RAB11FIP3: variants seen among roughly 807,000 people sequenced by gnomAD.
RAB11FIP3 encodes RAB11 family interacting protein 3, also known as rab11 family-interacting protein 3.
RAB11FIP3 carries 17 observed loss-of-function variants against 77.8 expected under a neutral mutation model. That is an observed-to-expected ratio of 0.22 (90% CI 0.15 to 0.33). The LOEUF is 0.33. Among genes scored for constraint, RAB11FIP3 ranks in the 10% least tolerant of loss-of-function variants. The pLI is 1.00. For missense variants in RAB11FIP3, 1,005 were observed against 1,011.2 expected (o/e 0.99, Z 0.08); for synonymous variants, 437 against 448.2 (o/e 0.98, Z 0.31).
In RAB11FIP3 at chr16:510,642, C is replaced by T. The variant is rs1446000614; in HGVS notation, c.1500-18C>T. 2 of 1,584,790 alleles carry T rather than the reference C, an allele frequency of 1.3e-6. No homozygotes were observed. Among genetic ancestry groups the T allele is most frequent in the Non-Finnish European group, 1.7e-6 (2 of 1,167,618 alleles). On this transcript the variant is annotated intron_variant, in intron 8 of 13. Coordinates refer to ENST00000262305, the MANE Select transcript of RAB11FIP3 (RefSeq NM_014700.4). ...ACCCTGCCTGGAGACAGCTCAGCTC[C>T]TCCCTTTGCCTTTCAAGAGCAAACG...
intron 9 of RAB11FIP3, among the ~76,000 whole-genome samples, chr16:518,721 C>T (rs2032531671): frequency 6.6e-6 from 1 of 151,790 alleles, no homozygotes; most frequent in Admixed American, 6.6e-5. Flanking sequence ...TGCGACTCTG[C>T]CTCAAGAAAA....
chr16:464,440 C>T (rs2055668552), intron 2 of RAB11FIP3, among the ~76,000 whole-genome samples: 1 of 152,200 alleles, frequency 6.6e-6, no homozygotes, highest in African/African-American at 2.4e-5. Context: ...TGGCGTGCTG[C>T]AGGTCCTCCC....
chr16:454,050 A>G (rs1016721469), intron 1 of RAB11FIP3, among the ~76,000 whole-genome samples: 1 of 152,280 alleles, frequency 6.6e-6, no homozygotes, highest in East Asian at 1.9e-4. Flanking sequence ...AAGAAAAGAG[A>G]CATGAGATGT....
chr16:503,319 C>T (rs1209995040), intron 7 of RAB11FIP3, among the ~76,000 whole-genome samples: 2 of 152,206 alleles, frequency 1.3e-5, no homozygotes, highest in Non-Finnish European at 2.9e-5. Flanking sequence ...CTGTTGTGCA[C>T]GAAGGGCCAG....
At chr16:470,676 G>A (rs2055792011) in intron 2 of RAB11FIP3, among the ~76,000 whole-genome samples, 1 of 152,152 alleles carries the variant, frequency 6.6e-6, no homozygotes, top group Admixed American at 6.6e-5. Flanking sequence ...CAGGTGCTGC[G>A]GGATTGGTTG....
chr16:482,678 G>A lies in RAB11FIP3; in HGVS notation c.1057G>A (p.Glu353Lys). ...DSAGGSAVPS[E>K]CLDAMEEPDH... Reference sequence around the variant, plus strand: ...TGCCGGCGGCTCGGCCGTGCCCTCTGAGTGCCTGGACGCCATGGAGGAGCC... The same window carrying A: ...TGCCGGCGGCTCGGCCGTGCCCTCTAAGTGCCTGGACGCCATGGAGGAGCC... The change falls in exon 4 of 14, where the codon GAG becomes AAG. Residue 353 changes from glutamate to lysine, a missense_variant. Transcript: ENST00000262305. 3 of 1,612,512 alleles carry A rather than the reference G, an allele frequency of 1.9e-6. No homozygotes were observed. The highest frequency in any genetic ancestry group is 2.5e-6 in the Non-Finnish European group (3 of 1,179,908).
intron 1 of RAB11FIP3, among the ~76,000 whole-genome samples, chr16:457,766 G>A (rs2055527109): frequency 6.6e-6 from 1 of 152,154 alleles, no homozygotes; most frequent in South Asian, 2.1e-4. Flanking sequence ...AAACAACTTG[G>A]TACTTTGTGT....
At chr16:518,678 A>G (rs1204910486) in intron 9 of RAB11FIP3, among the ~76,000 whole-genome samples, 1 of 152,182 alleles carries the variant, frequency 6.6e-6, no homozygotes, top group Non-Finnish European at 1.5e-5. Flanking sequence ...GTGAGCTGAG[A>G]TCACACCACT....
chr16:510,520 AGCTCGGGGAT>A, intron 8 of RAB11FIP3, 130 bp from the exon 9 acceptor site: 1 of 985,264 alleles, frequency 1.0e-6, no homozygotes. Flanking sequence ...CCTTGACCAG[AGCTCGGGGAT>A]GCCCTTCTCG....
At position 519,840 on chromosome 16, in the gene RAB11FIP3, G is replaced by T; in HGVS notation, c.1809G>T (p.Arg603Ser). ...EQENKRRMGD[R>S]LSHERHQFQR... Reference sequence around the variant, plus strand: ...AGAACAAGAGGAGAATGGGGGACAGGCTGAGTCACGAGAGGCACCAGTTCC... The same window carrying T: ...AGAACAAGAGGAGAATGGGGGACAGTCTGAGTCACGAGAGGCACCAGTTCC... The change falls in exon 11 of 14, where the codon AGG becomes AGT. Residue 603 changes from arginine (R) to serine (S), a missense_variant. Coordinates refer to ENST00000262305, the MANE Select transcript of RAB11FIP3 (RefSeq NM_014700.4). 1 of 1,601,740 alleles carries T rather than the reference G, an allele frequency of 6.2e-7. No homozygotes were observed. The highest frequency in any genetic ancestry group is 8.5e-7 in the Non-Finnish European group (1 of 1,174,410).
Position 426,277 on chromosome 16 carries a change from C to A in RAB11FIP3, c.271C>A (p.Pro91Thr). 1.6e-6 allele frequency: 2 copies of A among 1,217,050 alleles called. No homozygotes were observed. The highest frequency in any genetic ancestry group is 2.0e-6 in the Non-Finnish European group (2 of 979,762). The allele number at this position is 1,217,050 out of a possible 1,614,324, so 75.4% of individuals were successfully genotyped here. The change falls in exon 1 of 14, where the codon CCG becomes ACG. Residue 91 changes from proline (P) to threonine (T), a missense_variant. Physicochemically the swap from Pro to Thr is conservative, Grantham distance 38 (BLOSUM62 -1). Coordinates refer to ENST00000262305, the MANE Select transcript of RAB11FIP3 (RefSeq NM_014700.4). The surrounding 1 kb of genome is among the most constrained non-coding windows in gnomAD (Gnocchi z 5.0). ...GPRDPGPSAP[P>T]PRSGPRGQLA... ...GCGAGACCCCGGGCCGTCCGCCCCGCCGCCGCGCTCCGGCCCGCGGGGGCA... is the reference window on the plus strand; with the variant it reads ...GCGAGACCCCGGGCCGTCCGCCCCGACGCCGCGCTCCGGCCCGCGGGGGCA...
At chr16:497,761 C>T (rs551437313) in intron 6 of RAB11FIP3, among the ~76,000 whole-genome samples, 2 of 152,050 alleles carry the variant, frequency 1.3e-5, no homozygotes, top group African/African-American at 4.8e-5. Flanking sequence ...AAAAGAGGTG[C>T]TCAGGAGATA....
At chr16:428,115 G>A (rs1055349344) in intron 1 of RAB11FIP3, among the ~76,000 whole-genome samples, 1 of 144,564 alleles carries the variant, frequency 6.9e-6, no homozygotes, top group Non-Finnish European at 1.5e-5. Context: ...AAAAAAAACA[G>A]CAACAAAACA....
chr16:442,979 G>T (rs958258891), intron 1 of RAB11FIP3, among the ~76,000 whole-genome samples: 5 of 152,102 alleles, frequency 3.3e-5, no homozygotes, highest in Non-Finnish European at 5.9e-5. Context: ...CGTTTTTGCT[G>T]TTGGAAATGA....
chr16:429,374 A>G (rs1221288833), intron 1 of RAB11FIP3, among the ~76,000 whole-genome samples: 1 of 152,168 alleles, frequency 6.6e-6, no homozygotes, highest in African/African-American at 2.4e-5. Context: ...GATTAACTGG[A>G]TAACAGCAAT....
At chr16:434,490 A>C (rs1363331173) in intron 1 of RAB11FIP3, among the ~76,000 whole-genome samples, 4 of 151,778 alleles carry the variant, frequency 2.6e-5, no homozygotes, top group Non-Finnish European at 5.9e-5. Flanking sequence ...GCAGTGGTGC[A>C]ATCACTGGTC....
chr16:491,147 G>A (rs902096180), intron 5 of RAB11FIP3: 2 of 1,302,044 alleles, frequency 1.5e-6, no homozygotes, highest in Non-Finnish European at 2.0e-6. Context: ...TGACCCTCTT[G>A]CCGCAAAGCT....
At chr16:482,831 T>G (rs948863039) in intron 4 of RAB11FIP3, 95 bp downstream of exon 4, 65 of 1,316,870 alleles carry the variant, frequency 4.9e-5, no homozygotes, top group Non-Finnish European at 5.9e-5. Flanking sequence ...GAGGAGTGCG[T>G]GCTGGTTAGC....
intron 1 of RAB11FIP3, among the ~76,000 whole-genome samples, chr16:457,751 A>G (rs956785797): frequency 3.3e-5 from 5 of 152,242 alleles, no homozygotes; most frequent in African/African-American, 1.2e-4. Flanking sequence ...TTAATGTTTC[A>G]GAATAAACAA....
Sources: gnomAD v4.1 joint callset for allele counts (sites outside exome capture counted in the v4.1 genomes callset) on GRCh38, gnomAD v4.1.1 for gene constraint, Gnocchi (gnomAD v3.1) non-coding constraint, MANE v1.5 for transcripts, NCBI Gene and HGNC (gene_info 2026-07-23, HGNC 2026-07-21) for gene names.